The following NCOA2 variants were observed in gnomAD, a reference collection of about 807,000 sequenced individuals.
NCOA2 encodes nuclear receptor coactivator 2.
NCOA2 carries 21 observed loss-of-function variants against 145.1 expected under a neutral mutation model. That is an observed-to-expected ratio of 0.14 (90% confidence interval 0.10 to 0.21). The LOEUF (loss-of-function observed/expected upper bound fraction) is 0.21. Ranked by LOEUF, NCOA2 falls within the 10% of genes least tolerant of loss-of-function variation. NCOA2 has a pLI of 1.00. For synonymous variants in NCOA2, 619 were observed against 637.5 expected, an observed-to-expected ratio of 0.97 and a Z score of 0.44; for missense variants, 1,472 against 1,837.6, an observed-to-expected ratio of 0.80 and a Z score of 3.64.
the NCOA2 span, among the ~76,000 whole-genome samples, chr8:70,456,033 G>A: frequency 6.7e-6 from 1 of 150,056 alleles, no homozygotes; most frequent in Admixed American, 6.6e-5. Context: ...CTTTATAGAT[G>A]AAGACATTTG....
chr8:70,342,441 T>C (rs74546406), intron 1 of NCOA2, among the ~76,000 whole-genome samples: 4,920 of 152,192 alleles, frequency 0.032, 260 homozygotes, highest in African/African-American at 0.11. Flanking sequence ...CATAAAAATA[T>C]TGCCTTTTGT....
intron 4 of NCOA2, among the ~76,000 whole-genome samples, chr8:70,181,941 A>G (rs1329889832): frequency 2.0e-5 from 3 of 152,242 alleles, no homozygotes; most frequent in East Asian, 3.8e-4. Flanking sequence ...GAAATATTAC[A>G]GGAAAAGTTA....
chr8:70,180,324 T>G (rs1815329282), intron 4 of NCOA2, among the ~76,000 whole-genome samples: 1 of 152,184 alleles, frequency 6.6e-6, no homozygotes, highest in Non-Finnish European at 1.5e-5. Context: ...TGACTCGCCT[T>G]TTCCTCCTGG....
intron 4 of NCOA2, among the ~76,000 whole-genome samples, chr8:70,201,147 C>T (rs909133944): frequency 6.7e-6 from 1 of 149,758 alleles, no homozygotes; most frequent in Non-Finnish European, 1.5e-5. Context: ...ATATTTACCA[C>T]AACAAAAAAG....
chr8:70,229,930 C>T (rs1369643449), intron 2 of NCOA2, among the ~76,000 whole-genome samples: 2 of 152,144 alleles, frequency 1.3e-5, no homozygotes, highest in Non-Finnish European at 2.9e-5. Context: ...GTGTTATCTT[C>T]CTCTCTGAGG....
chr8:70,333,826 G>C (rs1807314397), intron 1 of NCOA2, among the ~76,000 whole-genome samples: 1 of 152,206 alleles, frequency 6.6e-6, no homozygotes, highest in Admixed American at 6.5e-5. Context: ...TATTCTCTAA[G>C]AGTGGGTAAC....
At chr8:70,122,234 G>C (rs750489766) in intron 21 of NCOA2, among the ~76,000 whole-genome samples, 7 of 152,030 alleles carry the variant, frequency 4.6e-5, no homozygotes, top group Non-Finnish European at 1.0e-4. Flanking sequence ...TAAAAGCATA[G>C]ATATCTCTCT....
At chr8:70,445,197 G>GA in the NCOA2 span, among the ~76,000 whole-genome samples, 1 of 152,078 alleles carries the variant, frequency 6.6e-6, no homozygotes, top group East Asian at 1.9e-4. Context: ...TGCAAGGGGG[G>GA]AAAAAAGCTC....
the NCOA2 span, among the ~76,000 whole-genome samples, chr8:70,443,305 G>A: frequency 1.3e-5 from 2 of 152,044 alleles, no homozygotes; most frequent in African/African-American, 2.4e-5. Flanking sequence ...GGAGGTTGAG[G>A]CTGCAGTGAG....
At chr8:70,322,709 G>A (rs2136184165) in intron 1 of NCOA2, among the ~76,000 whole-genome samples, 1 of 152,216 alleles carries the variant, frequency 6.6e-6, no homozygotes. Flanking sequence ...TACAAACCTT[G>A]TTAAGTTTTT....
chr8:70,370,462 A>G (rs1811111577), intron 1 of NCOA2, among the ~76,000 whole-genome samples: 1 of 152,188 alleles, frequency 6.6e-6, no homozygotes, highest in Non-Finnish European at 1.5e-5. Flanking sequence ...TGGCAGCTAA[A>G]AGGACTCAGG....
chr8:70,405,536 A>G (rs567926965), upstream of NCOA2, among the ~76,000 whole-genome samples: 53 of 120,052 alleles, frequency 4.4e-4, no homozygotes, highest in Admixed American at 9.8e-4. Flanking sequence ...TTTATGGCCT[A>G]TCTTCTGCTA....
chr8:70,151,650 A>G (rs1401406722), intron 11 of NCOA2, among the ~76,000 whole-genome samples: 1 of 152,176 alleles, frequency 6.6e-6, no homozygotes, highest in East Asian at 1.9e-4. Flanking sequence ...AACTAGTTCT[A>G]TGAAGGCTTA....
At chr8:70,166,814 T>C in intron 6 of NCOA2, 60 bp from the exon 7 acceptor site, 2 of 1,445,586 alleles carry the variant, frequency 1.4e-6, no homozygotes, top group Non-Finnish European at 9.5e-7. Context: ...TCATTGCCTC[T>C]GAATTATTAA....
intron 2 of NCOA2, among the ~76,000 whole-genome samples, chr8:70,229,949 AAAG>A (rs1820989897): frequency 6.6e-6 from 1 of 152,210 alleles, no homozygotes; most frequent in South Asian, 2.1e-4. Context: ...GGGAGAAGGA[AAAG>A]AAGAGATAAG....
chr8:70,450,112 C>T, the NCOA2 span, among the ~76,000 whole-genome samples: 2 of 152,096 alleles, frequency 1.3e-5, no homozygotes, highest in South Asian at 2.1e-4. Flanking sequence ...CCTTATTTTT[C>T]GTTCCTTCTC....
chr8:70,233,689 C>A (rs1270869939), intron 2 of NCOA2, among the ~76,000 whole-genome samples: 1 of 152,188 alleles, frequency 6.6e-6, no homozygotes, highest in African/African-American at 2.4e-5. Flanking sequence ...CCTCCTTTAA[C>A]CTCTCCATTT....
chr8:70,135,824 A>C (rs932455156), intron 15 of NCOA2, among the ~76,000 whole-genome samples: 1 of 152,168 alleles, frequency 6.6e-6, no homozygotes, highest in Non-Finnish European at 1.5e-5. Context: ...AGAGATCCAT[A>C]ATCAATGGAA....
At chr8:70,182,703 G>C (rs1815629098) in intron 4 of NCOA2, among the ~76,000 whole-genome samples, 1 of 152,078 alleles carries the variant, frequency 6.6e-6, no homozygotes. Flanking sequence ...AGGTAAAATG[G>C]GCAGTGGAAA....
Sources: gnomAD v4.1 joint callset for allele counts (sites outside exome capture counted in the v4.1 genomes callset) on GRCh38, gnomAD v4.1.1 for gene constraint, MANE v1.5 for transcripts, NCBI Gene and HGNC (gene_info 2026-07-23, HGNC 2026-07-21) for gene names.